Variants in CCDC141 observed in about 807,000 individuals in gnomAD.
CCDC141 encodes coiled-coil domain-containing protein 141.
In CCDC141, 168 loss-of-function variants were observed where a neutral mutation model predicts 181.0. That is an observed-to-expected ratio of 0.93 (90% confidence interval 0.82 to 1.05). The LOEUF (loss-of-function observed/expected upper bound fraction) is 1.05. Ranked by LOEUF, CCDC141 falls within the 50% of genes least tolerant of loss-of-function variation. CCDC141 has a pLI of 0.00. For missense variants in CCDC141, 1,902 were observed against 1,788.5 expected, an observed-to-expected ratio of 1.06 and a Z score of -1.14; for synonymous variants, 666 against 642.3, an observed-to-expected ratio of 1.04 and a Z score of -0.56.
Position 178,878,135 on chromosome 2 carries a change from C to T in CCDC141, c.1728G>A (p.Met576Ile). The T allele has an allele frequency of 1.3e-6, 2 of 1,594,576 alleles. No individual in the cohort carries two copies. The highest frequency in any genetic ancestry group is 8.5e-7 in the Non-Finnish European group (1 of 1,175,074). Residue 576 changes from methionine to isoleucine, a missense_variant, in exon 12 of 24, where the codon ATG becomes ATA. Met to Ile is a conservative substitution (Grantham distance 10). Transcript: ENST00000443758. ...AAAATTCTTTTAAGCTCTGAAACTG[C>T]ATCTCTACCTAAAAAAGAAAAAAGA... Reference protein sequence around the residue: ...AFLKSSEEVEMQFQSLKEFYE... With the variant: ...AFLKSSEEVEIQFQSLKEFYE...
chr2:179,026,720 C>A (rs943083297), intron 2 of CCDC141, among the ~76,000 whole-genome samples: 3 of 152,198 alleles, frequency 2.0e-5, no homozygotes, highest in Non-Finnish European at 4.4e-5. Flanking sequence ...CACAGACGCA[C>A]AATGCCAGCT....
At chr2:179,013,533 T>C (rs1189473763) in intron 2 of CCDC141, among the ~76,000 whole-genome samples, 2 of 152,130 alleles carry the variant, frequency 1.3e-5, no homozygotes, top group Non-Finnish European at 2.9e-5. Flanking sequence ...AAAATGATCA[T>C]ACTGTCAAAA....
At chr2:178,859,551 A>G (rs866908211) in intron 17 of CCDC141, among the ~76,000 whole-genome samples, 3 of 152,122 alleles carry the variant, frequency 2.0e-5, no homozygotes, top group African/African-American at 7.2e-5. Flanking sequence ...CCTGTTAGAA[A>G]TCTTGAAATG....
At chr2:178,854,001 A>G (rs961408084) in intron 19 of CCDC141, among the ~76,000 whole-genome samples, 9 of 152,226 alleles carry the variant, frequency 5.9e-5, no homozygotes, top group African/African-American at 1.9e-4. Context: ...TACATGCTAA[A>G]TGGCAAGAAA....
chr2:178,874,926 A>C (rs1686292664), intron 12 of CCDC141: 1 of 152,188 alleles, frequency 6.6e-6, no homozygotes, highest in African/African-American at 2.4e-5. Context: ...TGAAAAGCAG[A>C]GTGGAGTTTT....
chr2:179,009,751 C>T (rs543166525), intron 2 of CCDC141, among the ~76,000 whole-genome samples: 94 of 151,930 alleles, frequency 6.2e-4, no homozygotes, highest in Non-Finnish European at 2.9e-4. Flanking sequence ...ACTGGTTGGC[C>T]TCCCCAAAAA....
At chr2:179,009,522 T>C (rs1046569362) in intron 2 of CCDC141, among the ~76,000 whole-genome samples, 4 of 151,920 alleles carry the variant, frequency 2.6e-5, no homozygotes, top group Non-Finnish European at 4.4e-5. Flanking sequence ...ACTGCAGTGA[T>C]TGTTTTCTCT....
chr2:179,003,981 G>A (rs1266079436), intron 2 of CCDC141, among the ~76,000 whole-genome samples: 6 of 152,076 alleles, frequency 3.9e-5, no homozygotes, highest in Non-Finnish European at 8.8e-5. Context: ...TATCACATAT[G>A]CTGATGAGGT....
rs1458170762 is a variant in CCDC141 at position 178,834,408 on chromosome 2, C to G, written c.4358G>C (p.Gly1453Ala). 6.5e-7 allele frequency: 1 copy of G among 1,536,322 alleles called. No individual in the cohort carries two copies. Among genetic ancestry groups the G allele is most frequent in the South Asian group, 1.2e-5 (1 of 84,050 alleles). Residue 1453 changes from glycine to alanine, a missense_variant, in exon 24 of 24, where the codon GGG becomes GCG. By Grantham distance (60) the Gly-to-Ala change is moderately conservative. Coordinates refer to ENST00000443758, the MANE Select transcript of CCDC141 (RefSeq NM_173648.4). The stretch of plus-strand genomic sequence containing the variant: ...CTCCTTGTGTAAAACCTGTAAGTGC[C>G]CATCTGCAGACAATTTCTGGCCCTT... ...YKKGQKLSADGHLQVLHKETR... is the reference protein window; with the variant it reads ...YKKGQKLSADAHLQVLHKETR...
At chr2:178,989,307 A>G (rs1691912183) in intron 2 of CCDC141, among the ~76,000 whole-genome samples, 1 of 152,084 alleles carries the variant, frequency 6.6e-6, no homozygotes, top group Non-Finnish European at 1.5e-5. Flanking sequence ...TTAACAATAG[A>G]AAGGGGCTGG....
intron 8 of CCDC141, among the ~76,000 whole-genome samples, chr2:178,896,560 C>G (rs967644959): frequency 4.6e-5 from 7 of 152,192 alleles, no homozygotes; most frequent in African/African-American, 1.7e-4. Flanking sequence ...AAGCTAGAAG[C>G]TAGAGTAAAT....
chr2:179,049,807 A>C (rs2043619799), intron 1 of CCDC141, 33 bp downstream of exon 1: 3 of 1,550,182 alleles, frequency 1.9e-6, no homozygotes, highest in Admixed American at 2.0e-5. Context: ...AGAAGCCCAC[A>C]GCCGCACAGA....
At chr2:178,888,441 T>C in intron 9 of CCDC141, 86 bp downstream of exon 9, 1 of 1,255,196 alleles carries the variant, frequency 8.0e-7, no homozygotes, top group Non-Finnish European at 1.1e-6. Context: ...GACATGCCCC[T>C]GTCCTCCCGC....
rs77229049 is a variant in CCDC141 at position 178,990,888 on chromosome 2, T to C, written c.226-12213A>G. 3.9e-3 allele frequency among the ~76,000 whole-genome samples: 600 copies of C among 152,190 alleles called. 25 individuals are homozygous for C. The East Asian group carries it at 0.1, about 25-fold the overall frequency. On this transcript the variant is annotated intron_variant, in intron 2 of 23. Coordinates refer to ENST00000443758, the MANE Select transcript of CCDC141 (RefSeq NM_173648.4). ...TTTTGGATCTAGATAGAGGTGATGG[T>C]TGCACATGTGAAAGGTGATCATATG...
chr2:178,884,534 C>T (rs962366297), intron 11 of CCDC141, among the ~76,000 whole-genome samples: 11 of 152,138 alleles, frequency 7.2e-5, no homozygotes, highest in Admixed American at 6.6e-4. Flanking sequence ...TAATCAGAGC[C>T]TCACAAGAAT....
chr2:178,973,692 C>T (rs903210639), intron 4 of CCDC141, among the ~76,000 whole-genome samples: 1 of 152,190 alleles, frequency 6.6e-6, no homozygotes. Flanking sequence ...AGCCCCCAGT[C>T]CCTCTGGAGA....
Position 178,918,513 on chromosome 2 carries a change from A to G in CCDC141, c.1092+200T>C, listed in dbSNP as rs1006574869. On this transcript the variant is annotated intron_variant, in intron 7 of 23. Transcript: ENST00000443758. Reference sequence around the variant, plus strand: ...TGTTGTTTTTAAAGTCACCTTTTACATGTGAAAACAGTCTTTCAGTTTTGA... The same window carrying G: ...TGTTGTTTTTAAAGTCACCTTTTACGTGTGAAAACAGTCTTTCAGTTTTGA... Among the ~76,000 whole-genome samples, 63 of 152,240 alleles carry G rather than the reference A, an allele frequency of 4.1e-4. 1 individual carries two copies. Among genetic ancestry groups the G allele is most frequent in the Admixed American group, 4.0e-3 (61 of 15,288 alleles).
chr2:179,044,598 C>A (rs558744784), intron 2 of CCDC141, among the ~76,000 whole-genome samples: 1 of 152,118 alleles, frequency 6.6e-6, no homozygotes, highest in Non-Finnish European at 1.5e-5. Flanking sequence ...GCTCACCCAC[C>A]ACTACCCACA....
At chr2:178,941,849 G>C (rs75209341) in intron 6 of CCDC141, among the ~76,000 whole-genome samples, 3 of 150,312 alleles carry the variant, frequency 2.0e-5, no homozygotes, top group African/African-American at 7.3e-5. Flanking sequence ...AGTCCCAGGT[G>C]CTCGGGAGGC....
Sources: allele counts gnomAD v4.1 joint callset (sites outside exome capture counted in the v4.1 genomes callset), GRCh38; gene constraint gnomAD v4.1.1; transcripts MANE v1.5; gene names NCBI Gene and HGNC (gene_info 2026-07-23, HGNC 2026-07-21).